The following PTK2 variants were observed in gnomAD, a reference collection of about 807,000 sequenced individuals.
PTK2 encodes the protein focal adhesion kinase 1.
In PTK2, 45 loss-of-function variants were observed where a neutral mutation model predicts 150.1. The ratio of observed to expected loss-of-function variants is 0.30; its 90% CI spans 0.24 to 0.38. The LOEUF (loss-of-function observed/expected upper bound fraction) is 0.38, where lower values mean the gene tolerates loss of function less well. Ranked by LOEUF, PTK2 falls within the 10% of genes least tolerant of loss-of-function variation. The probability of loss-of-function intolerance (pLI) is 1.00; values close to 1 mark genes in which losing one functional copy is unlikely to be tolerated. For synonymous variants in PTK2, 432 were observed against 449.2 expected, an observed-to-expected ratio of 0.96 and a Z score of 0.48; for missense variants, 919 against 1,307.3, an observed-to-expected ratio of 0.70 and a Z score of 4.58.
intron 31 of PTK2, among the ~76,000 whole-genome samples, chr8:140,660,165 G>A (rs902593925): frequency 2.6e-5 from 4 of 152,004 alleles, no homozygotes; most frequent in Non-Finnish European, 4.4e-5. Context: ...CTCCATTTGC[G>A]CTGTTTAGAC....
intron 8 of PTK2, among the ~76,000 whole-genome samples, chr8:140,826,962 T>G (rs2100112143): frequency 6.6e-6 from 1 of 152,040 alleles, no homozygotes; most frequent in Admixed American, 6.5e-5. Context: ...CTAGTCATCC[T>G]TCCCTCCCAT....
chr8:140,661,447 G>A (rs1018905258), intron 31 of PTK2, among the ~76,000 whole-genome samples: 1 of 152,126 alleles, frequency 6.6e-6, no homozygotes, highest in African/African-American at 2.4e-5. Flanking sequence ...GCAAGTGCAT[G>A]GTGTTGTCAC....
chr8:140,931,723 C>T (rs912536133), intron 1 of PTK2, among the ~76,000 whole-genome samples: 1 of 151,632 alleles, frequency 6.6e-6, no homozygotes, highest in African/African-American at 2.4e-5. Context: ...TCACTTGAGC[C>T]CAGGAGTTCG....
intron 3 of PTK2, among the ~76,000 whole-genome samples, chr8:140,881,594 C>T (rs1230393886): frequency 6.6e-6 from 1 of 152,236 alleles, no homozygotes; most frequent in Non-Finnish European, 1.5e-5. Context: ...TGGTCTCTAG[C>T]CATCTGCCTC....
chr8:140,993,133 A>G (rs752384327), intron 1 of PTK2, among the ~76,000 whole-genome samples: 9 of 152,208 alleles, frequency 5.9e-5, no homozygotes, highest in Admixed American at 2.0e-4. Context: ...GAGCAGAGCA[A>G]TATTTTTTTC....
At chr8:140,713,151 T>C (rs2100037723) in intron 23 of PTK2, among the ~76,000 whole-genome samples, 1 of 152,268 alleles carries the variant, frequency 6.6e-6, no homozygotes, top group African/African-American at 2.4e-5. Flanking sequence ...CATTTTTTTC[T>C]TTTTGTGTGA....
Position 140,847,883 on chromosome 8 carries a change from C to T in PTK2, c.451-1205G>A, listed in dbSNP as rs548453578. Among the ~76,000 whole-genome samples, 6 of 152,230 alleles carry T rather than the reference C, an allele frequency of 3.9e-5. No homozygotes were observed. The South Asian group carries it at 8.3e-4, about 21-fold the overall frequency. On this transcript the variant is annotated intron_variant, in intron 5 of 31. Coordinates refer to ENST00000522684, the Ensembl canonical transcript of PTK2. ...CCCCCAGTTAACTCATCTCTCACTC[C>T]ACACCAATCTTTGTCTACTTCATAC...
At chr8:140,688,835 A>G (rs1184776102) in intron 26 of PTK2, among the ~76,000 whole-genome samples, 1 of 152,230 alleles carries the variant, frequency 6.6e-6, no homozygotes, top group Non-Finnish European at 1.5e-5. Context: ...ATCAAGGAAC[A>G]ATAATTTAAA....
intron 1 of PTK2, among the ~76,000 whole-genome samples, chr8:140,996,401 G>A (rs1387100254): frequency 2.0e-5 from 3 of 152,250 alleles, no homozygotes; most frequent in Admixed American, 6.5e-5. Context: ...TAAGATCACT[G>A]ATGAAGGTGG....
intron 3 of PTK2, among the ~76,000 whole-genome samples, chr8:140,889,642 GAAAGA>G (rs959023174): frequency 2.9e-4 from 44 of 149,838 alleles, no homozygotes; most frequent in African/African-American, 7.8e-4. Context: ...AAAAAAAAAA[GAAAGA>G]AAAGAAAAGA....
intron 14 of PTK2, among the ~76,000 whole-genome samples, chr8:140,789,174 T>G (rs539826022): frequency 6.6e-6 from 1 of 151,984 alleles, no homozygotes; most frequent in East Asian, 1.9e-4. Context: ...TAAATTATAA[T>G]GGCAACTTCA....
intron 1 of PTK2, among the ~76,000 whole-genome samples, chr8:140,938,664 G>C (rs1361591078): frequency 6.6e-6 from 1 of 152,138 alleles, no homozygotes; most frequent in Non-Finnish European, 1.5e-5. Context: ...ACAAAACAAA[G>C]AGCTTCAGCT....
chr8:140,957,365 ACATTGTACTGCTGT>A (rs2100181552), intron 1 of PTK2, among the ~76,000 whole-genome samples: 1 of 152,190 alleles, frequency 6.6e-6, no homozygotes, highest in African/African-American at 2.4e-5. Flanking sequence ...GAAGGGGCTC[ACATTGTACTGCTGT>A]ACAATGTGCC....
chr8:140,949,571 G>A (rs1032288096), intron 1 of PTK2, among the ~76,000 whole-genome samples: 53 of 152,238 alleles, frequency 3.5e-4, no homozygotes, highest in Non-Finnish European at 1.2e-4. Context: ...GTCACAACCT[G>A]GCCGAGTATG....
intron 12 of PTK2, among the ~76,000 whole-genome samples, chr8:140,795,861 T>G (rs1391052136): frequency 6.6e-6 from 1 of 152,220 alleles, no homozygotes; most frequent in South Asian, 2.1e-4. Context: ...ACACATGCCT[T>G]GAAATGTGCT....
chr8:140,898,187 A>G (rs2100157067), intron 2 of PTK2, among the ~76,000 whole-genome samples: 1 of 152,252 alleles, frequency 6.6e-6, no homozygotes, highest in Non-Finnish European at 1.5e-5. Context: ...TAAGCCAAGC[A>G]CAAAATTTCC....
intron 10 of PTK2, among the ~76,000 whole-genome samples, chr8:140,804,265 A>G (rs1237447540): frequency 6.6e-6 from 1 of 151,304 alleles, no homozygotes; most frequent in African/African-American, 2.4e-5. Flanking sequence ...CTGCTGCACA[A>G]ATTAATAAAC....
chr8:140,776,152 C>T (rs182591540), intron 14 of PTK2, among the ~76,000 whole-genome samples: 32 of 152,264 alleles, frequency 2.1e-4, no homozygotes, highest in Middle Eastern at 6.8e-3. Context: ...TACAGGCATC[C>T]GCCACCACAC....
chr8:140,715,454 G>A (rs986857900), intron 23 of PTK2, among the ~76,000 whole-genome samples: 2 of 152,036 alleles, frequency 1.3e-5, no homozygotes, highest in African/African-American at 2.4e-5. Flanking sequence ...TTACAGGGGT[G>A]AGCCACCATG....
Sources: allele counts gnomAD v4.1 joint callset (sites outside exome capture counted in the v4.1 genomes callset), GRCh38; gene constraint gnomAD v4.1.1; transcripts MANE v1.5; gene names NCBI Gene and HGNC (gene_info 2026-07-23, HGNC 2026-07-21).